The following GRID2 variants were observed in gnomAD, a reference collection of about 807,000 sequenced individuals.
GRID2 encodes the protein glutamate receptor ionotropic, delta-2.
A neutral mutation model predicts 114.8 loss-of-function variants in GRID2; 33 were observed. The observed-to-expected ratio is 0.29, with a 90% CI of 0.22 to 0.38. The LOEUF (loss-of-function observed/expected upper bound fraction) is 0.38, where lower values mean the gene tolerates loss of function less well. Ranked by LOEUF, GRID2 falls within the 10% of genes least tolerant of loss-of-function variation. GRID2 has a pLI of 1.00. For synonymous variants in GRID2, 505 were observed against 449.9 expected, an observed-to-expected ratio of 1.12 and a Z score of -1.55; for missense variants, 1,184 against 1,257.7, an observed-to-expected ratio of 0.94 and a Z score of 0.89.
At chr4:92,856,189 TCTTCCTTGTTC>T in intron 2 of GRID2, among the ~76,000 whole-genome samples, 1 of 152,184 alleles carries the variant, frequency 6.6e-6, no homozygotes, top group East Asian at 1.9e-4. Flanking sequence ...TAGATTTGAT[TCTTCCTTGTTC>T]CTTGCTTTTT....
chr4:93,752,592 G>A (rs1578737027), intron 14 of GRID2, among the ~76,000 whole-genome samples: 1 of 151,982 alleles, frequency 6.6e-6, no homozygotes, highest in African/African-American at 2.4e-5. Context: ...GGATGGTCGC[G>A]ATCTCCTGAC....
At chr4:92,363,592 A>AT (rs1023196711) in intron 1 of GRID2, among the ~76,000 whole-genome samples, 2 of 151,694 alleles carry the variant, frequency 1.3e-5, no homozygotes, top group Non-Finnish European at 2.9e-5. Flanking sequence ...ACGGTGATTC[A>AT]TTTTTTTTCT....
At chr4:92,944,616 T>C (rs1421432104) in intron 2 of GRID2, among the ~76,000 whole-genome samples, 1 of 152,204 alleles carries the variant, frequency 6.6e-6, no homozygotes, top group African/African-American at 2.4e-5. Context: ...GGTATCTCAG[T>C]TGGAAAAGTA....
At chr4:92,399,636 GCT>G (rs749067156) in intron 1 of GRID2, among the ~76,000 whole-genome samples, 22,247 of 141,198 alleles carry the variant, frequency 0.16, 1,706 homozygotes, top group Middle Eastern at 0.24. Context: ...AATAAAAGCA[GCT>G]CTCTCTCTCT....
chr4:92,640,895 T>G (rs1731309310), intron 2 of GRID2, among the ~76,000 whole-genome samples: 1 of 151,902 alleles, frequency 6.6e-6, no homozygotes, highest in Non-Finnish European at 1.5e-5. Flanking sequence ...ACATTTTATT[T>G]GTGAATAACT....
intron 1 of GRID2, among the ~76,000 whole-genome samples, chr4:92,520,447 TG>T (rs1724713694): frequency 6.6e-6 from 1 of 151,862 alleles, no homozygotes; most frequent in Non-Finnish European, 1.5e-5. Context: ...GCATAGCTGG[TG>T]TTTATAACTA....
chr4:92,450,520 G>A (rs1477452546), intron 1 of GRID2, among the ~76,000 whole-genome samples: 1 of 152,082 alleles, frequency 6.6e-6, no homozygotes, highest in Non-Finnish European at 1.5e-5. Context: ...TCATTGAGTT[G>A]TATTCTCCTG....
intron 8 of GRID2, among the ~76,000 whole-genome samples, chr4:93,393,805 C>T (rs1420676953): frequency 1.3e-5 from 2 of 151,986 alleles, no homozygotes; most frequent in African/African-American, 4.8e-5. Flanking sequence ...TAATAGATGT[C>T]ATTTATTTAC....
At chr4:93,110,992 C>A in intron 4 of GRID2, 39 bp downstream of exon 4, 1 of 1,294,294 alleles carries the variant, frequency 7.7e-7, no homozygotes, top group Non-Finnish European at 1.1e-6. Context: ...TTGTACAAAA[C>A]AATTAAAAGC....
intron 2 of GRID2, among the ~76,000 whole-genome samples, chr4:92,974,583 A>G (rs1375597336): frequency 2.0e-5 from 3 of 152,092 alleles, no homozygotes; most frequent in Admixed American, 6.5e-5. Flanking sequence ...AAACTATCAC[A>G]AGATCAGAAA....
chr4:92,644,295 A>T (rs576198642), intron 2 of GRID2, among the ~76,000 whole-genome samples: 4 of 151,830 alleles, frequency 2.6e-5, no homozygotes, highest in Non-Finnish European at 5.9e-5. Context: ...TTATAGATTT[A>T]TGCATACATA....
chr4:93,778,061 G>A (rs1375416619), downstream of GRID2, among the ~76,000 whole-genome samples: 5 of 152,120 alleles, frequency 3.3e-5, no homozygotes, highest in African/African-American at 1.2e-4. Context: ...CTACACAAAA[G>A]ATTCATAGTA....
intron 1 of GRID2, among the ~76,000 whole-genome samples, chr4:92,335,563 A>T (rs1472548456): frequency 6.6e-6 from 1 of 152,208 alleles, no homozygotes; most frequent in East Asian, 1.9e-4. Flanking sequence ...AATCACAGGT[A>T]TCTTGTGTTA....
chr4:93,034,675 G>A (rs1318965862), intron 2 of GRID2, among the ~76,000 whole-genome samples: 1 of 151,924 alleles, frequency 6.6e-6, no homozygotes, highest in Non-Finnish European at 1.5e-5. Context: ...TTTCTTCCCT[G>A]GGCAAACTCT....
At chr4:93,194,082 A>G (rs1283381536) in intron 4 of GRID2, among the ~76,000 whole-genome samples, 1 of 152,216 alleles carries the variant, frequency 6.6e-6, no homozygotes, top group African/African-American at 2.4e-5. Flanking sequence ...AGCGGAACTC[A>G]TTCCTACTCT....
At chr4:93,084,891 A>G (rs1730193035) in intron 2 of GRID2, 104 bp from the exon 3 acceptor site, 1 of 756,272 alleles carries the variant, frequency 1.3e-6, no homozygotes, top group Non-Finnish European at 2.2e-6. Context: ...ACATTTTCAT[A>G]GCTATATAAA....
At chr4:93,622,903 A>G (rs547265233) in intron 13 of GRID2, among the ~76,000 whole-genome samples, 71 of 152,324 alleles carry the variant, frequency 4.7e-4, no homozygotes, top group Non-Finnish European at 8.2e-4. Flanking sequence ...GTACCAAAAA[A>G]AGTCTCGCAT....
At chr4:92,805,965 A>C (rs1740390472) in intron 2 of GRID2, among the ~76,000 whole-genome samples, 1 of 151,768 alleles carries the variant, frequency 6.6e-6, no homozygotes, top group Non-Finnish European at 1.5e-5. Flanking sequence ...CCTTCCTGGC[A>C]CTACACAATC....
At chr4:93,334,880 G>A (rs1046481557) in intron 8 of GRID2, among the ~76,000 whole-genome samples, 2 of 151,784 alleles carry the variant, frequency 1.3e-5, no homozygotes, top group African/African-American at 4.8e-5. Context: ...GCGGTGAGCT[G>A]AGATCACGCC....
Sources: gnomAD v4.1 joint callset for allele counts (sites outside exome capture counted in the v4.1 genomes callset) on GRCh38, gnomAD v4.1.1 for gene constraint, MANE v1.5 for transcripts, NCBI Gene and HGNC (gene_info 2026-07-23, HGNC 2026-07-21) for gene names.